Variants in KNDC1 observed in about 807,000 individuals in gnomAD.
KNDC1 encodes kinase non-catalytic C-lobe domain-containing protein 1.
A neutral mutation model predicts 172.8 loss-of-function variants in KNDC1; 106 were observed. That is an observed-to-expected ratio of 0.61 (90% confidence interval 0.52 to 0.72). The LOEUF is 0.72. Among genes scored for constraint, KNDC1 ranks in the 30% least tolerant of loss-of-function variants. The probability of loss-of-function intolerance (pLI) is 0.00; values close to 1 mark genes in which losing one functional copy is unlikely to be tolerated. For synonymous variants in KNDC1, 1,083 were observed against 1,062.2 expected, an observed-to-expected ratio of 1.02 and a Z score of -0.38; for missense variants, 2,325 against 2,394.5, an observed-to-expected ratio of 0.97 and a Z score of 0.61.
chr10:133,189,997 C>T (rs755860810), intron 9 of KNDC1, among the ~76,000 whole-genome samples, 184 bp downstream of exon 9: 2 of 152,230 alleles, frequency 1.3e-5, no homozygotes, highest in African/African-American at 4.8e-5. Flanking sequence ...CAAGACAGGG[C>T]TTGGTGTGGA....
intron 5 of KNDC1, among the ~76,000 whole-genome samples, chr10:133,185,304 AGAGTAGGCAGTGTGTACAGTGTG>A (rs1311151264): frequency 9.0e-5 from 8 of 89,042 alleles, no homozygotes; most frequent in Non-Finnish European, 2.4e-5. Context: ...TGTGCAGTGT[AGAGTAGGCAGTGTGTACAGTGTG>A]GAGTAGGCAG....
chr10:133,200,421 C>T lies in KNDC1; in HGVS notation c.2950C>T (p.Arg984Cys), dbSNP rs774894229. 17 of 1,597,378 alleles carry T rather than the reference C, an allele frequency of 1.1e-5. No homozygotes were observed. In the African/African-American group the frequency reaches 1.8e-4, roughly 17 times the overall value. ...GSQLEGSQSP[R>C]SPSSKRPSLH... ...ACAGCTCGAGGGCAGCCAAAGCCCCCGCTCCCCGTCCAGCAAGAGGCCGTC... is the reference window on the plus strand; with the variant it reads ...ACAGCTCGAGGGCAGCCAAAGCCCCTGCTCCCCGTCCAGCAAGAGGCCGTC... The change falls in exon 16 of 30, where the codon CGC becomes TGC. Residue 984 changes from arginine (R) to cysteine (C), a missense_variant. Coordinates refer to ENST00000304613, the MANE Select transcript of KNDC1 (RefSeq NM_152643.8).
At chr10:133,178,386 A>C (rs1853618632) in intron 3 of KNDC1, among the ~76,000 whole-genome samples, 1 of 152,190 alleles carries the variant, frequency 6.6e-6, no homozygotes, top group African/African-American at 2.4e-5. Flanking sequence ...CATACAGAAA[A>C]GAGAGTAAGA....
intron 29 of KNDC1, among the ~76,000 whole-genome samples, chr10:133,221,220 C>T (rs1845582586): frequency 6.6e-6 from 1 of 152,120 alleles, no homozygotes; most frequent in African/African-American, 2.4e-5. Context: ...TCCCTAGAGA[C>T]ATCCAGGTGG....
intron 5 of KNDC1, 117 bp downstream of exon 5, chr10:133,184,106 C>T (rs1433256713): frequency 2.0e-5 from 11 of 560,114 alleles, no homozygotes; most frequent in Admixed American, 3.0e-5. Flanking sequence ...CACACACACC[C>T]ATACTGCACA....
chr10:133,211,212 T>C (rs1845355604), intron 21 of KNDC1, among the ~76,000 whole-genome samples: 1 of 140,678 alleles, frequency 7.1e-6, no homozygotes, highest in South Asian at 2.6e-4. Context: ...CGCACCCCCT[T>C]GCCCCCACAC....
intron 7 of KNDC1, among the ~76,000 whole-genome samples, chr10:133,189,163 C>T (rs1052871978): frequency 6.6e-6 from 1 of 152,202 alleles, no homozygotes; most frequent in African/African-American, 2.4e-5. Flanking sequence ...GACGTAAAAA[C>T]GTCCTGGGGG....
chr10:133,212,951 T>C, intron 24 of KNDC1, 29 bp downstream of exon 24: 1 of 1,588,118 alleles, frequency 6.3e-7, no homozygotes, highest in East Asian at 2.3e-5. Flanking sequence ...TGCGCCCAGG[T>C]CACCTGCGAG....
chr10:133,168,358 A>C (rs752940809), intron 3 of KNDC1, 46 bp downstream of exon 3: 5 of 1,562,588 alleles, frequency 3.2e-6, no homozygotes, highest in East Asian at 2.2e-5. Flanking sequence ...TTTTACCTCT[A>C]TGGTGGCCTC....
At chr10:133,170,508 C>A (rs1180602789) in intron 3 of KNDC1, among the ~76,000 whole-genome samples, 1 of 152,176 alleles carries the variant, frequency 6.6e-6, no homozygotes, top group African/African-American at 2.4e-5. Context: ...GAGTGCCTCT[C>A]CAGTGAAGCT....
intron 3 of KNDC1, chr10:133,174,391 ACGGAAGGAAGGGCGG>A (rs1853465484): frequency 2.0e-5 from 3 of 152,024 alleles, no homozygotes; most frequent in Non-Finnish European, 4.4e-5. Flanking sequence ...AACTTCCAAC[ACGGAAGGAAGGGCGG>A]TGAAGATGGG....
In KNDC1 at chr10:133,199,437, T is replaced by A. The variant is rs1309471707; in HGVS notation, c.2759-21T>A. ...CAGCCCTGCCACCATCTCACTTGTC[T>A]CCATCGTTTTGCAAAACCAGGGGAG... On this transcript the variant is annotated intron_variant, in intron 14 of 29. Coordinates refer to ENST00000304613, the MANE Select transcript of KNDC1 (RefSeq NM_152643.8). The A allele has an allele frequency of 2.5e-6, 4 of 1,611,496 alleles. No individual in the cohort carries two copies. In the African/African-American group the frequency reaches 5.3e-5, roughly 22 times the overall value.
At chr10:133,187,107 C>T (rs1308187099) in intron 6 of KNDC1, among the ~76,000 whole-genome samples, 1 of 152,248 alleles carries the variant, frequency 6.6e-6, no homozygotes, top group Non-Finnish European at 1.5e-5. Flanking sequence ...AGTTAGAAAC[C>T]AAAGCTGTGG....
rs1404434679 is a variant in KNDC1 at position 133,209,588 on chromosome 10, C to T, written c.3795-1023C>T. On this transcript the variant is annotated intron_variant, in intron 20 of 29. Transcript: ENST00000304613. This position sits in a 1 kb window ranked among gnomAD's most constrained non-coding sequence, Gnocchi z 4.9. Reference sequence around the variant, plus strand: ...TGGCTTTGTCCACGTGTGTGGCGTGCGTGTCTGTGGTTGTACAGTTTGTGG... The same window carrying T: ...TGGCTTTGTCCACGTGTGTGGCGTGTGTGTCTGTGGTTGTACAGTTTGTGG... Among the ~76,000 whole-genome samples, 3 of 152,020 alleles carry T rather than the reference C, an allele frequency of 2.0e-5. No homozygotes were observed. The East Asian group carries it at 5.8e-4, about 29-fold the overall frequency.
chr10:133,212,179 CAT>C (rs1467508753), intron 23 of KNDC1, among the ~76,000 whole-genome samples: 3 of 151,876 alleles, frequency 2.0e-5, no homozygotes, highest in Non-Finnish European at 4.4e-5. Flanking sequence ...CACCCTCACA[CAT>C]ATCCACACCT....
rs750063932 is a variant in KNDC1 at position 133,189,663 on chromosome 10, G to C, written c.1507G>C (p.Ala503Pro). ...GGCTGTGCTCTTCCAGCCACCCCCT[G>C]CCAACGGTGAGTGTGTGGGTTCCCC... ...DGAVLFQPPP[A>P]NGSYDSFFLA... Residue 503 changes from alanine to proline, a missense_variant, in exon 8 of 30, where the codon GCC (alanine) becomes CCC (proline). By Grantham distance (27) the Ala-to-Pro change is conservative. Coordinates refer to ENST00000304613, the MANE Select transcript of KNDC1 (RefSeq NM_152643.8). 4 of 1,613,942 alleles carry C rather than the reference G, an allele frequency of 2.5e-6. No individual in the cohort carries two copies. The South Asian group carries it at 4.4e-5, about 18-fold the overall frequency.
At chr10:133,206,804 G>A (rs113823430) in intron 18 of KNDC1, 26 bp downstream of exon 18, 17 of 1,613,646 alleles carry the variant, frequency 1.1e-5, no homozygotes, top group South Asian at 9.9e-5. Flanking sequence ...GCACAGGTCC[G>A]AGACCCTGGC....
At chr10:133,189,443 G>T (rs567727114) in intron 7 of KNDC1, among the ~76,000 whole-genome samples, 155 bp from the exon 8 acceptor site, 1 of 152,330 alleles carries the variant, frequency 6.6e-6, no homozygotes, top group East Asian at 1.9e-4. Flanking sequence ...GGGGGCTGGG[G>T]TCAGGCCATG....
intron 26 of KNDC1, 30 bp from the exon 27 acceptor site, chr10:133,218,801 G>T: frequency 1.2e-6 from 2 of 1,602,748 alleles, no homozygotes; most frequent in South Asian, 1.1e-5. Context: ...TAAACCAGAA[G>T]ACGCTGAATG....
Sources: gnomAD v4.1 joint callset for allele counts (sites outside exome capture counted in the v4.1 genomes callset) on GRCh38, gnomAD v4.1.1 for gene constraint, Gnocchi (gnomAD v3.1) non-coding constraint, MANE v1.5 for transcripts, NCBI Gene and HGNC (gene_info 2026-07-23, HGNC 2026-07-21) for gene names.